The following IGF1R variants were observed in gnomAD, a reference collection of about 807,000 sequenced individuals.
IGF1R encodes insulin-like growth factor 1 receptor.
Under a neutral mutation model 144.6 loss-of-function variants are expected in IGF1R, and 44 were observed. The observed-to-expected ratio is 0.30, with a 90% CI of 0.24 to 0.39. The LOEUF (loss-of-function observed/expected upper bound fraction) is 0.39, where lower values mean the gene tolerates loss of function less well. IGF1R is among the 10% of genes least tolerant of loss of function. IGF1R has a pLI of 1.00. For missense variants in IGF1R, 1,355 were observed against 1,833.7 expected (o/e 0.74, Z 4.77); for synonymous variants, 795 against 722.8 (o/e 1.10, Z -1.60).
At chr15:98,766,258 T>A (rs935530442) in intron 2 of IGF1R, among the ~76,000 whole-genome samples, 5 of 152,226 alleles carry the variant, frequency 3.3e-5, no homozygotes, top group African/African-American at 1.2e-4. Flanking sequence ...CTGTCAATTA[T>A]CCAAGCGATG....
chr15:98,716,576 T>C (rs1312428511), intron 2 of IGF1R, among the ~76,000 whole-genome samples: 1 of 152,080 alleles, frequency 6.6e-6, no homozygotes. Context: ...AGAGCTGGAG[T>C]TTCGTCTGAT....
At position 98,959,970 on chromosome 15, in the gene IGF1R, GGTGTGTGT is replaced by G. The variant is rs398058004; in HGVS notation, c.*2535_*2542del. Reference sequence around the variant, plus strand: ...TTATGAATTTAAATTTCAAGGAAAGGGTGTGTGTGTGTGTATGTGTGGGGTGTGTGTGT... The same window carrying G: ...TTATGAATTTAAATTTCAAGGAAAGGGTGTGTATGTGTGGGGTGTGTGTGT... On this transcript the variant is annotated 3_prime_UTR_variant, in exon 21 of 21. Coordinates refer to ENST00000650285, the MANE Select transcript of IGF1R (RefSeq NM_000875.5). 3 of 231,402 alleles carry G rather than the reference GGTGTGTGT, an allele frequency of 1.3e-5. No homozygotes were observed. Among genetic ancestry groups the G allele is most frequent in the Admixed American group, 5.7e-5 (1 of 17,678 alleles). 14.3% of individuals were successfully genotyped at this position (231,402 alleles called of 1,614,324 possible).
chr15:98,855,963 G>A (rs944657681), intron 2 of IGF1R, among the ~76,000 whole-genome samples: 31 of 152,370 alleles, frequency 2.0e-4, no homozygotes, highest in Admixed American at 1.4e-3. Context: ...CAGAGTGGCC[G>A]TAGAGGCTGC....
chr15:98,786,910 A>G (rs1215256616), intron 2 of IGF1R, among the ~76,000 whole-genome samples: 1 of 152,130 alleles, frequency 6.6e-6, no homozygotes, highest in African/African-American at 2.4e-5. Context: ...TGGAGAATTG[A>G]TCCTTAGACA....
intron 2 of IGF1R, among the ~76,000 whole-genome samples, chr15:98,811,744 G>C (rs1430824079): frequency 6.6e-6 from 1 of 151,820 alleles, no homozygotes. Context: ...GGCTAACACG[G>C]TGAAACCCCG....
intron 1 of IGF1R, among the ~76,000 whole-genome samples, chr15:98,690,824 G>T (rs1026797683): frequency 6.6e-6 from 1 of 152,158 alleles, no homozygotes; most frequent in Admixed American, 6.5e-5. Flanking sequence ...GAAACTGGGG[G>T]CGGCAGGGTG....
intron 2 of IGF1R, among the ~76,000 whole-genome samples, chr15:98,866,541 C>A (rs1031462883): frequency 7.9e-5 from 12 of 152,204 alleles, no homozygotes; most frequent in Non-Finnish European, 1.5e-4. Flanking sequence ...AATCTAACTT[C>A]TGATAAATTA....
At chr15:98,812,794 T>C (rs999302470) in intron 2 of IGF1R, among the ~76,000 whole-genome samples, 3 of 152,260 alleles carry the variant, frequency 2.0e-5, no homozygotes, top group African/African-American at 7.2e-5. Flanking sequence ...ATTAATATAC[T>C]GTCAGGGTCC....
chr15:98,805,396 T>C (rs1567137463), intron 2 of IGF1R, among the ~76,000 whole-genome samples: 1 of 152,198 alleles, frequency 6.6e-6, no homozygotes, highest in African/African-American at 2.4e-5. Flanking sequence ...CCCTGAAGTG[T>C]GTACCCTGTG....
chr15:98,814,677 A>G (rs2056658842), intron 2 of IGF1R, among the ~76,000 whole-genome samples: 2 of 152,200 alleles, frequency 1.3e-5, no homozygotes. Context: ...ACAAAAATGT[A>G]TATGCTCTCA....
chr15:98,707,802 TCTACAA>T lies in IGF1R; in HGVS notation c.340_345del (p.Asn114_Tyr115del). The T allele has an allele frequency of 6.2e-7, 1 of 1,614,140 alleles. No homozygotes were observed. Among genetic ancestry groups the T allele is most frequent in the Non-Finnish European group, 8.5e-7 (1 of 1,180,008 alleles). Reference sequence around the variant, plus strand: ...ACGGTCATCCGCGGCTGGAAACTCTTCTACAACTACGCCCTGGTCATCTTCGAGATG... The same window carrying T: ...ACGGTCATCCGCGGCTGGAAACTCTTCTACGCCCTGGTCATCTTCGAGATG... On this transcript the variant is annotated inframe_deletion, in exon 2 of 21. Transcript: ENST00000650285. This position sits in a 1 kb window ranked among gnomAD's most constrained non-coding sequence, Gnocchi z 6.7.
chr15:98,771,928 G>T (rs1184416148), intron 2 of IGF1R, among the ~76,000 whole-genome samples: 1 of 151,606 alleles, frequency 6.6e-6, no homozygotes, highest in African/African-American at 2.4e-5. Flanking sequence ...TAAATAGGTA[G>T]GGAGGCATTT....
chr15:98,868,510 A>G (rs1179293608), intron 2 of IGF1R, among the ~76,000 whole-genome samples: 1 of 151,994 alleles, frequency 6.6e-6, no homozygotes, highest in Non-Finnish European at 1.5e-5. Flanking sequence ...TGGGGAAATA[A>G]TGCTGATTTC....
chr15:98,896,703 A>T (rs549251721), intron 3 of IGF1R, 54 bp from the exon 4 acceptor site: 1 of 1,569,620 alleles, frequency 6.4e-7, no homozygotes, highest in Non-Finnish European at 8.7e-7. Context: ...TTTTTAATGC[A>T]AGAAGACAGA....
At chr15:98,861,987 G>A (rs2012182393) in intron 2 of IGF1R, among the ~76,000 whole-genome samples, 1 of 152,154 alleles carries the variant, frequency 6.6e-6, no homozygotes, top group African/African-American at 2.4e-5. Flanking sequence ...CATTTCATTT[G>A]GGGCTGGTCT....
chr15:98,672,742 A>G (rs1596166272), intron 1 of IGF1R, among the ~76,000 whole-genome samples: 1 of 152,192 alleles, frequency 6.6e-6, no homozygotes, highest in South Asian at 2.1e-4. Flanking sequence ...CCACTCAAGT[A>G]GTTCTGATTG....
chr15:98,847,645 G>C (rs954842254), intron 2 of IGF1R, among the ~76,000 whole-genome samples: 7 of 152,320 alleles, frequency 4.6e-5, no homozygotes, highest in African/African-American at 1.2e-4. Flanking sequence ...ATTAACCTTT[G>C]AGGTGCATTT....
rs958365181 is a variant in IGF1R at position 98,958,450 on chromosome 15, C to T, written c.*1008C>T. On this transcript the variant is annotated 3_prime_UTR_variant, in exon 21 of 21. Transcript: ENST00000650285. Reference sequence around the variant, plus strand: ...CAAGGACACAGATGGGAAGGGGTTTCCAGGGACTCAGCCCCACTGTTGATG... The same window carrying T: ...CAAGGACACAGATGGGAAGGGGTTTTCAGGGACTCAGCCCCACTGTTGATG... 1 of 181,538 alleles carries T rather than the reference C, an allele frequency of 5.5e-6. No homozygotes were observed. Among genetic ancestry groups the T allele is most frequent in the African/African-American group, 2.4e-5 (1 of 42,342 alleles). 11.2% of individuals were successfully genotyped at this position (181,538 alleles called of 1,614,324 possible). A position where few individuals can be genotyped will look rare whatever the true frequency, so the allele number is the denominator to read the frequency against.
intron 5 of IGF1R, among the ~76,000 whole-genome samples, chr15:98,902,301 A>G (rs1361152124): frequency 6.6e-6 from 1 of 152,018 alleles, no homozygotes; most frequent in African/African-American, 2.4e-5. Context: ...TCCCATGTGC[A>G]TATCACAAAG....
Sources: allele counts gnomAD v4.1 joint callset (sites outside exome capture counted in the v4.1 genomes callset), GRCh38; gene constraint gnomAD v4.1.1; non-coding constraint Gnocchi (gnomAD v3.1); transcripts MANE v1.5; gene names NCBI Gene and HGNC (gene_info 2026-07-23, HGNC 2026-07-21).